LYPLAL1: variants seen among roughly 807,000 people sequenced by gnomAD.
LYPLAL1 encodes lysophospholipase-like protein 1.
Under a neutral mutation model 19.7 loss-of-function variants are expected in LYPLAL1, and 23 were observed. That is an observed-to-expected ratio of 1.17 (90% CI 0.84 to 1.65). LYPLAL1 has a LOEUF of 1.65. Among genes scored for constraint, LYPLAL1 ranks in the 40% most tolerant of loss-of-function variants. The pLI is 0.00. For missense variants in LYPLAL1, 355 were observed against 279.4 expected (o/e 1.27, Z -1.93); for synonymous variants, 119 against 96.3 (o/e 1.24, Z -1.38).
At chr1:219,287,069 T>A in the LYPLAL1 span, among the ~76,000 whole-genome samples, 1 of 152,208 alleles carries the variant, frequency 6.6e-6, no homozygotes, top group Non-Finnish European at 1.5e-5. Context: ...GCTAGGTTAG[T>A]TCATCATTTT....
chr1:219,180,649 T>C (rs1424374503), intron 2 of LYPLAL1, among the ~76,000 whole-genome samples: 2 of 152,206 alleles, frequency 1.3e-5, no homozygotes, highest in African/African-American at 4.8e-5. Flanking sequence ...GGAAGAAACA[T>C]AGTGGTATTT....
chr1:219,332,894 T>C, the LYPLAL1 span, among the ~76,000 whole-genome samples: 1 of 146,260 alleles, frequency 6.8e-6, no homozygotes, highest in Admixed American at 6.8e-5. Context: ...AATCCATTTC[T>C]TGTTTATTCA....
At chr1:219,194,757 A>C (rs879217354) in intron 3 of LYPLAL1, among the ~76,000 whole-genome samples, 1 of 152,094 alleles carries the variant, frequency 6.6e-6, no homozygotes, top group Non-Finnish European at 1.5e-5. Flanking sequence ...AGTCACATGC[A>C]TTTGGGGCTG....
chr1:219,306,531 G>A, the LYPLAL1 span, among the ~76,000 whole-genome samples: 6 of 152,056 alleles, frequency 3.9e-5, no homozygotes, highest in Non-Finnish European at 8.8e-5. Context: ...ATCAACATGG[G>A]ACATAAGTTT....
the LYPLAL1 span, among the ~76,000 whole-genome samples, chr1:219,233,880 A>G: frequency 6.6e-6 from 1 of 152,220 alleles, no homozygotes; most frequent in Non-Finnish European, 1.5e-5. Context: ...AATGCTTTCC[A>G]AGGTAGTATA....
At chr1:219,415,934 T>A in the LYPLAL1 span, among the ~76,000 whole-genome samples, 1,658 of 152,296 alleles carry the variant, frequency 0.011, 34 homozygotes, top group African/African-American at 0.037. Context: ...CGCTTCTCTC[T>A]TCTTTTAAAG....
Position 219,211,953 on chromosome 1 carries a change from C to T in LYPLAL1, c.*225C>T, listed in dbSNP as rs191570404. 369 of 349,190 alleles carry T rather than the reference C, an allele frequency of 1.1e-3. 1 individual carries two copies. The highest frequency in any genetic ancestry group is 4.6e-3 in the Middle Eastern group (6 of 1,298). The allele number at this position is 349,190 out of a possible 1,614,324, so 21.6% of individuals were successfully genotyped here. A position where few individuals can be genotyped will look rare whatever the true frequency, so the allele number is the denominator to read the frequency against. On this transcript the variant is annotated 3_prime_UTR_variant, in exon 5 of 5. Transcript: ENST00000366928. ...ACACAATTCTGTAAATATTTGGAAACCTTTTAAGTATTTAAACTTTTAAAT... is the reference window on the plus strand; with the variant it reads ...ACACAATTCTGTAAATATTTGGAAATCTTTTAAGTATTTAAACTTTTAAAT...
the LYPLAL1 span, among the ~76,000 whole-genome samples, chr1:219,291,507 A>T: frequency 2.3e-4 from 35 of 152,150 alleles, no homozygotes; most frequent in Admixed American, 7.9e-4. Flanking sequence ...TTCCTCTCTA[A>T]TAATAATGCT....
the LYPLAL1 span, among the ~76,000 whole-genome samples, chr1:219,255,184 G>A: frequency 1.3e-5 from 2 of 151,680 alleles, no homozygotes; most frequent in South Asian, 4.2e-4. Flanking sequence ...GGATGAATTT[G>A]GGGAGAATTG....
the LYPLAL1 span, among the ~76,000 whole-genome samples, chr1:219,383,795 C>T: frequency 3.3e-5 from 5 of 152,138 alleles, no homozygotes; most frequent in African/African-American, 9.7e-5. Context: ...CTCTCTTTGG[C>T]AGAGAAAGCA....
the LYPLAL1 span, among the ~76,000 whole-genome samples, chr1:219,223,342 A>T: frequency 8.5e-5 from 13 of 152,274 alleles, 1 homozygote; most frequent in African/African-American, 2.4e-4. Context: ...AATTTGATCA[A>T]CATTTTCAAC....
the LYPLAL1 span, among the ~76,000 whole-genome samples, chr1:219,261,374 G>C: frequency 1.3e-5 from 2 of 152,238 alleles, no homozygotes; most frequent in East Asian, 3.9e-4. Context: ...TATATTACTA[G>C]CTAGGGCTCC....
In LYPLAL1 at chr1:219,211,478, A is replaced by C; in HGVS notation, c.478-14A>C. ...ATTTCTTAAACTTTTCTGTCTTTGT[A>C]TCTTCTTCTCTAGGCTCTTCAGAAG... On this transcript the variant is annotated splice_polypyrimidine_tract_variant and intron_variant, in intron 4 of 4. Transcript: ENST00000366928. 1 of 1,478,086 alleles carries C rather than the reference A, an allele frequency of 6.8e-7. No individual in the cohort carries two copies. Among genetic ancestry groups the C allele is most frequent in the African/African-American group, 1.4e-5 (1 of 70,802 alleles). The allele number at this position is 1,478,086 out of a possible 1,614,324, so 91.6% of individuals were successfully genotyped here. A position where few individuals can be genotyped will look rare whatever the true frequency, so the allele number is the denominator to read the frequency against.
the LYPLAL1 span, among the ~76,000 whole-genome samples, chr1:219,384,842 T>A: frequency 6.6e-6 from 1 of 152,188 alleles, no homozygotes; most frequent in South Asian, 2.1e-4. Flanking sequence ...GAAATATATA[T>A]AGCTCATCCA....
chr1:219,209,397 A>G (rs1341342577), intron 3 of LYPLAL1, among the ~76,000 whole-genome samples: 2 of 152,092 alleles, frequency 1.3e-5, no homozygotes, highest in African/African-American at 4.8e-5. Flanking sequence ...ATTAAACTCT[A>G]TTGCAAAAGA....
chr1:219,398,624 C>A, the LYPLAL1 span, among the ~76,000 whole-genome samples: 1 of 152,198 alleles, frequency 6.6e-6, no homozygotes, highest in Non-Finnish European at 1.5e-5. Flanking sequence ...GGAATGAAGG[C>A]ACTTTGGCTT....
the LYPLAL1 span, among the ~76,000 whole-genome samples, chr1:219,351,670 T>C: frequency 6.6e-6 from 1 of 152,234 alleles, no homozygotes. Flanking sequence ...TAGCAAATCA[T>C]GCCTACATTT....
At chr1:219,248,151 T>G in the LYPLAL1 span, among the ~76,000 whole-genome samples, 1 of 152,198 alleles carries the variant, frequency 6.6e-6, no homozygotes, top group South Asian at 2.1e-4. Context: ...CATTGAAGTT[T>G]TAAGAGTCAA....
chr1:219,432,122 A>G, the LYPLAL1 span, among the ~76,000 whole-genome samples: 1 of 152,328 alleles, frequency 6.6e-6, no homozygotes, highest in African/African-American at 2.4e-5. Flanking sequence ...TAACTATATT[A>G]GTATTCTGCC....
Sources: allele counts gnomAD v4.1 joint callset (sites outside exome capture counted in the v4.1 genomes callset), GRCh38; gene constraint gnomAD v4.1.1; transcripts MANE v1.5; gene names NCBI Gene and HGNC (gene_info 2026-07-23, HGNC 2026-07-21).